The following SNX24 variants were observed in gnomAD, a reference collection of about 807,000 sequenced individuals.
The protein encoded by SNX24 is sorting nexin-24.
A neutral mutation model predicts 28.7 loss-of-function variants in SNX24; 22 were observed. The ratio of observed to expected loss-of-function variants is 0.77; its 90% confidence interval spans 0.55 to 1.10. The LOEUF is 1.10. Among genes scored for constraint, SNX24 ranks in the 50% least tolerant of loss-of-function variants. The pLI is 0.00. For missense variants in SNX24, 221 were observed against 201.1 expected (o/e 1.10, Z -0.60); for synonymous variants, 69 against 71.5 (o/e 0.96, Z 0.18).
intron 3 of SNX24, among the ~76,000 whole-genome samples, chr5:122,960,596 G>A (rs1022350111): frequency 4.6e-5 from 7 of 151,590 alleles, no homozygotes; most frequent in African/African-American, 1.7e-4. Context: ...ATTCTTTTAG[G>A]GAGCCTTTTC....
intron 1 of SNX24, among the ~76,000 whole-genome samples, chr5:122,914,435 C>G (rs563953933): frequency 2.0e-4 from 31 of 151,980 alleles, no homozygotes; most frequent in Non-Finnish European, 4.3e-4. Context: ...AGGATTCCCT[C>G]TTTTTCTATT....
intron 1 of SNX24, among the ~76,000 whole-genome samples, chr5:122,868,629 G>A (rs562693757): frequency 2.6e-5 from 4 of 152,258 alleles, no homozygotes; most frequent in Non-Finnish European, 4.4e-5. Context: ...TGGACCTATT[G>A]CAGAGCCTAT....
At chr5:122,919,821 A>C (rs924118569) in intron 1 of SNX24, among the ~76,000 whole-genome samples, 4 of 152,184 alleles carry the variant, frequency 2.6e-5, no homozygotes, top group African/African-American at 9.7e-5. Context: ...TACACGGTTC[A>C]CATGCATCAG....
intron 1 of SNX24, among the ~76,000 whole-genome samples, chr5:122,852,376 C>T (rs1431863344): frequency 6.6e-6 from 1 of 151,310 alleles, no homozygotes; most frequent in Non-Finnish European, 1.5e-5. Context: ...GAGGGTTTCA[C>T]TCTGTCGCCC....
At chr5:122,965,416 T>A (rs1561666953) in intron 3 of SNX24, 1 of 454,654 alleles carries the variant, frequency 2.2e-6, no homozygotes, top group Non-Finnish European at 4.4e-6. Context: ...AAGGAAAGAT[T>A]AATTGTTTGT....
chr5:122,888,696 T>C (rs996708387), intron 1 of SNX24, among the ~76,000 whole-genome samples: 4 of 152,170 alleles, frequency 2.6e-5, no homozygotes, highest in Non-Finnish European at 5.9e-5. Flanking sequence ...TAAGTGGCCA[T>C]AAGAATCCCC....
intron 1 of SNX24, among the ~76,000 whole-genome samples, chr5:122,923,008 G>C (rs1191483984): frequency 6.6e-6 from 1 of 152,064 alleles, no homozygotes; most frequent in Non-Finnish European, 1.5e-5. Flanking sequence ...TAAAATACCT[G>C]ATCTATCTAT....
intron 2 of SNX24, 41 bp from the exon 3 acceptor site, chr5:122,946,013 TG>T (rs771477727): frequency 7.1e-6 from 6 of 847,306 alleles, no homozygotes; most frequent in Middle Eastern, 2.5e-4. Flanking sequence ...CAGACATCTC[TG>T]TTTTTTTTTT....
chr5:122,864,532 C>CA (rs1755633307), intron 1 of SNX24, among the ~76,000 whole-genome samples: 1 of 152,214 alleles, frequency 6.6e-6, no homozygotes, highest in Non-Finnish European at 1.5e-5. Context: ...CCCAAACATT[C>CA]AGTGATGAGT....
intron 1 of SNX24, among the ~76,000 whole-genome samples, chr5:122,921,798 G>A (rs982389971): frequency 4.0e-5 from 6 of 151,622 alleles, no homozygotes; most frequent in African/African-American, 1.5e-4. Context: ...GCAACCCATG[G>A]TAACAAAAAA....
chr5:122,921,397 G>T (rs1008972596), intron 1 of SNX24, among the ~76,000 whole-genome samples: 5 of 152,134 alleles, frequency 3.3e-5, no homozygotes, highest in South Asian at 2.1e-4. Flanking sequence ...GTGGTTGGAG[G>T]TGTTAGTTCC....
downstream of SNX24, among the ~76,000 whole-genome samples, chr5:123,013,959 A>G (rs1581866325): frequency 6.6e-6 from 1 of 152,356 alleles, no homozygotes; most frequent in East Asian, 1.9e-4. Flanking sequence ...ATGAATGAAT[A>G]CTAATTTAGG....
intron 3 of SNX24, among the ~76,000 whole-genome samples, chr5:122,976,949 C>T (rs1761189949): frequency 6.6e-6 from 1 of 152,120 alleles, no homozygotes; most frequent in Non-Finnish European, 1.5e-5. Flanking sequence ...CTTTCACATT[C>T]TCTGATTTAC....
intron 3 of SNX24, among the ~76,000 whole-genome samples, chr5:122,956,217 A>G (rs1561653203): frequency 6.6e-6 from 1 of 152,036 alleles, no homozygotes; most frequent in South Asian, 2.1e-4. Flanking sequence ...CAGACGTTCT[A>G]TTATATGTGG....
intron 3 of SNX24, among the ~76,000 whole-genome samples, chr5:122,958,563 GT>G (rs199626998): frequency 6.6e-6 from 1 of 150,792 alleles, no homozygotes; most frequent in African/African-American, 2.4e-5. Flanking sequence ...ACCACCAAGA[GT>G]TTTTTTTTCA....
At position 122,999,993 on chromosome 5, in the gene SNX24, G is replaced by T; in HGVS notation, c.331G>T (p.Ala111Ser). 1.9e-6 allele frequency: 3 copies of T among 1,605,368 alleles called. No homozygotes were observed. The South Asian group carries it at 3.3e-5, about 18-fold the overall frequency. ...NVRHLPSLPK[A>S]ESCGSFDETE... ...GCGACACTTGCCCTCTCTACCAAAG[G>T]CAGAAAGTTGTGGGTAAGAATCATG... The change falls in exon 4 of 7, where the codon GCA (alanine) becomes TCA (serine). Residue 111 changes from alanine (A) to serine (S), a missense_variant. Physicochemically the swap from Ala to Ser is moderately conservative, Grantham distance 99 (BLOSUM62 1). Coordinates refer to ENST00000261369, the MANE Select transcript of SNX24 (RefSeq NM_014035.4).
chr5:122,990,797 G>T (rs1296893867), intron 3 of SNX24, among the ~76,000 whole-genome samples: 1 of 152,070 alleles, frequency 6.6e-6, no homozygotes, highest in Non-Finnish European at 1.5e-5. Context: ...AATCTGTTTT[G>T]GTTCGCTTGT....
chr5:122,888,245 A>G (rs370901228), intron 1 of SNX24, among the ~76,000 whole-genome samples: 13 of 152,220 alleles, frequency 8.5e-5, no homozygotes, highest in African/African-American at 2.6e-4. Context: ...ATGTGAGTCT[A>G]CCTTCCCTCC....
In SNX24 at chr5:122,949,599, T is replaced by A. The variant is rs151300635; in HGVS notation, c.249+3440T>A. ...CAGTGAATTTACCTTGAAAAACTTC[T>A]GCCGTTCTAGAGATTTCCATATGAT... On this transcript the variant is annotated intron_variant, in intron 3 of 6. Coordinates refer to ENST00000261369, the MANE Select transcript of SNX24 (RefSeq NM_014035.4). Among the ~76,000 whole-genome samples the A allele has an allele frequency of 2.0e-5, 3 of 152,302 alleles. No individual in the cohort carries two copies. In the East Asian group the frequency reaches 5.8e-4, roughly 29 times the overall value.
Sources: allele counts gnomAD v4.1 joint callset (sites outside exome capture counted in the v4.1 genomes callset), GRCh38; gene constraint gnomAD v4.1.1; transcripts MANE v1.5; gene names NCBI Gene and HGNC (gene_info 2026-07-23, HGNC 2026-07-21).